The following SLC38A6 variants were observed in gnomAD, a reference collection of about 807,000 sequenced individuals.
The protein encoded by SLC38A6 is N system amino acid transporter NAT-1.
SLC38A6 carries 73 observed loss-of-function variants against 65.0 expected under a neutral mutation model. The ratio of observed to expected loss-of-function variants is 1.12; its 90% CI spans 0.93 to 1.37. The LOEUF (loss-of-function observed/expected upper bound fraction) is 1.37. Among genes scored for constraint, SLC38A6 ranks in the 40% most tolerant of loss-of-function variants. SLC38A6 has a pLI of 0.00. For missense variants in SLC38A6, 561 were observed against 531.1 expected, an observed-to-expected ratio of 1.06 and a Z score of -0.55; for synonymous variants, 183 against 178.8, an observed-to-expected ratio of 1.02 and a Z score of -0.19.
chr14:61,036,171 A>G (rs1306134969), intron 6 of SLC38A6, among the ~76,000 whole-genome samples: 2 of 152,050 alleles, frequency 1.3e-5, no homozygotes, highest in East Asian at 1.9e-4. Context: ...TAATGCATCC[A>G]TGTTTTTCCT....
chr14:61,016,984 A>G (rs1290801788), intron 4 of SLC38A6, among the ~76,000 whole-genome samples: 2 of 152,196 alleles, frequency 1.3e-5, no homozygotes, highest in African/African-American at 2.4e-5. Flanking sequence ...GGAAATATAT[A>G]TAGCTATACA....
intron 3 of SLC38A6, among the ~76,000 whole-genome samples, chr14:61,009,571 C>A (rs902620105): frequency 6.6e-6 from 1 of 151,702 alleles, no homozygotes; most frequent in African/African-American, 2.4e-5. Flanking sequence ...GTGATATTCC[C>A]CTTCCTGTGC....
chr14:61,000,052 A>G (rs1193647375), intron 3 of SLC38A6, among the ~76,000 whole-genome samples: 1 of 152,258 alleles, frequency 6.6e-6, no homozygotes, highest in East Asian at 1.9e-4. Context: ...AATGTTAGTG[A>G]TGTGACTTTC....
At chr14:61,050,866 T>C (rs1169070878) in intron 13 of SLC38A6, among the ~76,000 whole-genome samples, 1 of 152,194 alleles carries the variant, frequency 6.6e-6, no homozygotes, top group Non-Finnish European at 1.5e-5. Flanking sequence ...TAGATTTACG[T>C]TCTCCCACAG....
At chr14:61,012,818 T>C (rs2039683359) in intron 3 of SLC38A6, among the ~76,000 whole-genome samples, 1 of 152,202 alleles carries the variant, frequency 6.6e-6, no homozygotes, top group African/African-American at 2.4e-5. Flanking sequence ...GTGGTCAGTT[T>C]TGGAATAGGT....
chr14:61,019,059 CTT>C (rs559742912), intron 4 of SLC38A6, among the ~76,000 whole-genome samples: 8 of 152,180 alleles, frequency 5.3e-5, no homozygotes, highest in Non-Finnish European at 1.2e-4. Context: ...GGGCTCTAGA[CTT>C]TATTAATCTC....
chr14:61,029,834 A>C (rs2040841490), intron 5 of SLC38A6, among the ~76,000 whole-genome samples: 1 of 152,202 alleles, frequency 6.6e-6, no homozygotes, highest in South Asian at 2.1e-4. Context: ...GTTTATATTG[A>C]ACTTTCTCTA....
intron 15 of SLC38A6, among the ~76,000 whole-genome samples, chr14:61,073,296 G>A (rs1046152549): frequency 6.6e-6 from 1 of 152,090 alleles, no homozygotes; most frequent in Non-Finnish European, 1.5e-5. Context: ...CACTTCAGAT[G>A]GGTAGTTTGC....
At chr14:61,044,984 A>T (rs1298751673) in intron 10 of SLC38A6, among the ~76,000 whole-genome samples, 10 of 152,166 alleles carry the variant, frequency 6.6e-5, no homozygotes, top group African/African-American at 2.4e-5. Context: ...ACAGAGAATT[A>T]AAAAAGAGCA....
intron 8 of SLC38A6, among the ~76,000 whole-genome samples, chr14:61,042,853 G>C (rs749742043): frequency 6.6e-6 from 1 of 152,032 alleles, no homozygotes; most frequent in African/African-American, 2.4e-5. Context: ...CCTGTTTTGA[G>C]TTGCACTTAA....
chr14:60,991,994 T>C (rs2037926573), intron 3 of SLC38A6, among the ~76,000 whole-genome samples: 3 of 152,248 alleles, frequency 2.0e-5, no homozygotes, highest in East Asian at 3.9e-4. Flanking sequence ...ACCTAGAAAA[T>C]GTAGCGTTTA....
At chr14:61,002,853 A>G (rs962778070) in intron 3 of SLC38A6, among the ~76,000 whole-genome samples, 1 of 152,176 alleles carries the variant, frequency 6.6e-6, no homozygotes, top group Admixed American at 6.5e-5. Context: ...AGTCATGCCA[A>G]GTACTGTTTG....
Position 60,981,357 on chromosome 14 carries a change from A to G in SLC38A6, c.80A>G (p.Glu27Gly), listed in dbSNP as rs1215798672. The stretch of plus-strand genomic sequence containing the variant: ...CAGCAGCCTGAAGAAGCGGAGGCCG[A>G]AGAGTTGAGTCCGTTGCTAAGCAAC... ...SVQQPEEAEAEELSPLLSNEL... is the reference protein window; with the variant it reads ...SVQQPEEAEAGELSPLLSNEL... The change falls in exon 1 of 16, where the codon GAA becomes GGA. Residue 27 changes from glutamate to glycine, a missense_variant. By Grantham distance (98) the Glu-to-Gly change is moderately conservative. Transcript: ENST00000267488. 2 of 1,608,082 alleles carry G rather than the reference A, an allele frequency of 1.2e-6. No individual in the cohort carries two copies. The highest frequency in any genetic ancestry group is 1.7e-5 in the Admixed American group (1 of 59,210).
intron 3 of SLC38A6, among the ~76,000 whole-genome samples, chr14:60,986,742 T>C (rs1180692614): frequency 6.6e-6 from 1 of 152,260 alleles, no homozygotes; most frequent in Admixed American, 6.5e-5. Context: ...TTTAACATCT[T>C]GGTAGATTCT....
intron 8 of SLC38A6, among the ~76,000 whole-genome samples, chr14:61,040,308 A>G (rs968575756): frequency 6.6e-6 from 1 of 150,956 alleles, no homozygotes; most frequent in Non-Finnish European, 1.5e-5. Context: ...AATCACTAGA[A>G]CTACAGCTGC....
chr14:61,005,585 G>A (rs1373335838), intron 3 of SLC38A6, among the ~76,000 whole-genome samples: 1 of 151,910 alleles, frequency 6.6e-6, no homozygotes, highest in Non-Finnish European at 1.5e-5. Context: ...ATTCACAATT[G>A]CTTCAAAGAG....
intron 5 of SLC38A6, among the ~76,000 whole-genome samples, chr14:61,022,549 G>C (rs1039889382): frequency 2.7e-5 from 4 of 150,262 alleles, no homozygotes; most frequent in Non-Finnish European, 4.4e-5. Flanking sequence ...AATGGATTTT[G>C]ATTATTTTCT....
At chr14:61,072,446 TTATGC>T (rs1480005839) in intron 15 of SLC38A6, among the ~76,000 whole-genome samples, 1 of 152,188 alleles carries the variant, frequency 6.6e-6, no homozygotes, top group Non-Finnish European at 1.5e-5. Flanking sequence ...AGTCATCCTG[TTATGC>T]TATCAAATAG....
rs374993432 is a variant in SLC38A6, at chr14:60,981,423, G to A, written c.105+41G>A. The stretch of plus-strand genomic sequence containing the variant: ...TCGCTTCCCCGCGCTGACGCCCTCC[G>A]GCTTCCCTCAAGTGCCTGCCAAATA... On this transcript the variant is annotated intron_variant, in intron 1 of 15. Coordinates refer to ENST00000267488, the MANE Select transcript of SLC38A6 (RefSeq NM_153811.3). The A allele has an allele frequency of 3.2e-6, 5 of 1,554,286 alleles. No homozygotes were observed. In the African/African-American group the frequency reaches 6.8e-5, roughly 21 times the overall value.
Sources: gnomAD v4.1 joint callset for allele counts (sites outside exome capture counted in the v4.1 genomes callset) on GRCh38, gnomAD v4.1.1 for gene constraint, MANE v1.5 for transcripts, NCBI Gene and HGNC (gene_info 2026-07-23, HGNC 2026-07-21) for gene names.